ZNF346: variants seen among roughly 807,000 people sequenced by gnomAD.
The protein encoded by ZNF346 is double-stranded RNA-binding zinc finger protein JAZ.
In ZNF346, 23 loss-of-function variants were observed where a neutral mutation model predicts 33.7. The ratio of observed to expected loss-of-function variants is 0.68; its 90% confidence interval spans 0.49 to 0.97. ZNF346 has a LOEUF of 0.97. Ranked by LOEUF, ZNF346 falls within the 50% of genes least tolerant of loss-of-function variation. The probability of loss-of-function intolerance (pLI) is 0.00; values close to 1 mark genes in which losing one functional copy is unlikely to be tolerated. For synonymous variants in ZNF346, 134 were observed against 142.4 expected (o/e 0.94, Z 0.42); for missense variants, 340 against 371.1 (o/e 0.92, Z 0.69).
rs1220997757 is a variant in ZNF346 at position 177,065,306 on chromosome 5, G to C, written c.*707G>C. On this transcript the variant is annotated 3_prime_UTR_variant, in exon 7 of 7. Transcript: ENST00000358149. ...TGGGGGCGGCCTCCATGTCCACTGA[G>C]ATCATAGGACACTCCAATGGGGATG... 6.5e-6 allele frequency: 1 copy of C among 153,128 alleles called. No homozygotes were observed. The highest frequency in any genetic ancestry group is 1.5e-5 in the Non-Finnish European group (1 of 68,494). 9.5% of individuals were successfully genotyped at this position (153,128 alleles called of 1,614,324 possible). A position where few individuals can be genotyped will look rare whatever the true frequency, so the allele number is the denominator to read the frequency against.
intron 3 of ZNF346, 80 bp downstream of exon 3, chr5:177,041,950 G>C (rs1389600966): frequency 1.1e-6 from 1 of 874,900 alleles, no homozygotes; most frequent in East Asian, 2.6e-5. Flanking sequence ...AAGTCAGACT[G>C]TCTTGGCTTC....
chr5:177,038,267 T>TTTG (rs1778817173), intron 1 of ZNF346, among the ~76,000 whole-genome samples: 3 of 148,518 alleles, frequency 2.0e-5, no homozygotes, highest in Admixed American at 1.3e-4. Flanking sequence ...TTTTTTTTTT[T>TTTG]TGTGTGTGTG....
chr5:177,024,200 CTTTTTTTTT>C lies in ZNF346; in HGVS notation c.175+1299_175+1307del. 2.3e-5 allele frequency among the ~76,000 whole-genome samples: 2 copies of C among 86,898 alleles called. 1 individual carries two copies. The highest frequency in any genetic ancestry group is 7.7e-4 in the East Asian group (2 of 2,602). 57.0% of individuals were successfully genotyped at this position (86,898 alleles called of 152,430 possible). On this transcript the variant is annotated intron_variant, in intron 1 of 6. Coordinates refer to ENST00000358149, the MANE Select transcript of ZNF346 (RefSeq NM_012279.4). ...CACACTATTTCTGGGGCCCTCTCTC[CTTTTTTTTT>C]TTTTTTTTTTTGAGAGAGTCTCACT...
At chr5:177,032,059 A>G (rs990433714) in intron 1 of ZNF346, among the ~76,000 whole-genome samples, 2 of 134,282 alleles carry the variant, frequency 1.5e-5, no homozygotes, top group Non-Finnish European at 3.1e-5. Flanking sequence ...CCAGGAGTGC[A>G]ATGGCACAAT....
intron 1 of ZNF346, among the ~76,000 whole-genome samples, chr5:177,037,597 A>T (rs965736442): frequency 2.0e-5 from 3 of 152,282 alleles, no homozygotes; most frequent in Admixed American, 2.0e-4. Flanking sequence ...AAGAAATCAG[A>T]TGTCAAACCT....
chr5:177,069,227 C>T (rs1355309194), downstream of ZNF346, among the ~76,000 whole-genome samples: 1 of 119,768 alleles, frequency 8.3e-6, no homozygotes, highest in Non-Finnish European at 1.6e-5. Flanking sequence ...GAGGCCGAGG[C>T]GGGCGCATCA....
intron 1 of ZNF346, among the ~76,000 whole-genome samples, chr5:177,028,819 A>G (rs1262718865): frequency 1.4e-5 from 2 of 138,816 alleles, no homozygotes; most frequent in Non-Finnish European, 3.0e-5. Flanking sequence ...TCCCAGGTTC[A>G]TGCCATTCTC....
At chr5:177,035,705 G>A (rs1357249436) in intron 1 of ZNF346, among the ~76,000 whole-genome samples, 4 of 147,698 alleles carry the variant, frequency 2.7e-5, no homozygotes, top group Admixed American at 1.4e-4. Flanking sequence ...GCATGATCTC[G>A]GCTCACTGCA....
At chr5:177,062,838 A>C (rs1167977343) in intron 6 of ZNF346, among the ~76,000 whole-genome samples, 1 of 152,198 alleles carries the variant, frequency 6.6e-6, no homozygotes, top group East Asian at 1.9e-4. Flanking sequence ...CATTTTATAC[A>C]TATAGACAAC....
chr5:177,051,887 A>T (rs1404104095), intron 5 of ZNF346: 1 of 152,182 alleles, frequency 6.6e-6, no homozygotes, highest in Non-Finnish European at 1.5e-5. Context: ...AAGCCCAGCC[A>T]GGCATAGTGG....
intron 1 of ZNF346, among the ~76,000 whole-genome samples, chr5:177,029,727 G>T (rs574427672): frequency 6.6e-6 from 1 of 152,340 alleles, no homozygotes; most frequent in African/African-American, 2.4e-5. Flanking sequence ...TCACACGCTT[G>T]CTGGGTCTTG....
chr5:177,025,398 A>G (rs1023030352), intron 1 of ZNF346, among the ~76,000 whole-genome samples: 2 of 152,140 alleles, frequency 1.3e-5, no homozygotes, highest in Non-Finnish European at 2.9e-5. Flanking sequence ...GTGAACATAC[A>G]TTTCATTTCT....
chr5:177,031,998 CTTTTTTTTTTTTTTTT>C (rs34021834), intron 1 of ZNF346, among the ~76,000 whole-genome samples: 2 of 67,838 alleles, frequency 2.9e-5, no homozygotes, highest in African/African-American at 9.1e-5. Context: ...TTTCTTTTTT[CTTTTTTTTTTTTTTTT>C]TTTTTTTTTT....
At chr5:177,043,694 G>C (rs1431142538) in intron 3 of ZNF346, among the ~76,000 whole-genome samples, 1 of 151,954 alleles carries the variant, frequency 6.6e-6, no homozygotes. Context: ...AGCCCTGGAG[G>C]TGGAGGTTGC....
At chr5:177,073,083 A>G (rs779332521) in intron 8 of ZNF346, among the ~76,000 whole-genome samples, 23 of 152,094 alleles carry the variant, frequency 1.5e-4, no homozygotes, top group Non-Finnish European at 2.5e-4. Flanking sequence ...ATAGCCCTTA[A>G]TATGCTGTGT....
rs557535840 is a variant in ZNF346 at position 177,067,544 on chromosome 5, A to C, written c.*2945A>C. 3.9e-4 allele frequency among the ~76,000 whole-genome samples: 59 copies of C among 152,280 alleles called. No individual in the cohort carries two copies. Among genetic ancestry groups the C allele is most frequent in the African/African-American group, 1.4e-3 (58 of 41,554 alleles). On this transcript the variant is annotated 3_prime_UTR_variant, in exon 7 of 7. Transcript: ENST00000358149. ...GCAAGGAAATGAAGGGCAGGGGGTG[A>C]GTGGGCTATCATACCGTGAGCCTCC...
At position 177,022,841 on chromosome 5, in the gene ZNF346, C is replaced by T. The variant is rs374427722; in HGVS notation, c.103C>T (p.Arg35Cys). 8 of 1,535,052 alleles carry T rather than the reference C, an allele frequency of 5.2e-6. No homozygotes were observed. Among genetic ancestry groups the T allele is most frequent in the African/African-American group, 4.2e-5 (3 of 71,926 alleles). The change falls in exon 1 of 7, where the codon CGC (arginine) becomes TGC (cysteine). Residue 35 changes from arginine (R) to cysteine (C), a missense_variant. Physicochemically the swap from Arg to Cys is radical, Grantham distance 180. Transcript: ENST00000358149. Reference sequence around the variant, plus strand: ...GGAGGGCCAGGAGCCGGACGGGGTGCGCTTTGACCGCGAGAGGGCGCGCCG... The same window carrying T: ...GGAGGGCCAGGAGCCGGACGGGGTGTGCTTTGACCGCGAGAGGGCGCGCCG... ...LLEGQEPDGVRFDRERARRLW... is the reference protein window; with the variant it reads ...LLEGQEPDGVCFDRERARRLW...
At chr5:177,063,579 A>G (rs1581962297) in intron 6 of ZNF346, among the ~76,000 whole-genome samples, 1 of 152,174 alleles carries the variant, frequency 6.6e-6, no homozygotes. Flanking sequence ...ACCTGAAGCC[A>G]ACCAGAGCCC....
At chr5:177,026,352 ATTTTTT>A (rs59380094) in intron 1 of ZNF346, among the ~76,000 whole-genome samples, 3 of 101,900 alleles carry the variant, frequency 2.9e-5, no homozygotes, top group South Asian at 2.9e-4. Flanking sequence ...TGGATTGGTA[ATTTTTT>A]TTTTTTTTTT....
Sources: allele counts gnomAD v4.1 joint callset (sites outside exome capture counted in the v4.1 genomes callset), GRCh38; gene constraint gnomAD v4.1.1; transcripts MANE v1.5; gene names NCBI Gene and HGNC (gene_info 2026-07-23, HGNC 2026-07-21).